Variants in TDRKH observed in about 807,000 individuals in gnomAD.
TDRKH encodes the protein tudor and KH domain containing, also known as tudor and KH domain-containing protein.
A neutral mutation model predicts 61.3 loss-of-function variants in TDRKH; 28 were observed. The observed-to-expected ratio is 0.46, with a 90% CI of 0.34 to 0.63. The LOEUF (loss-of-function observed/expected upper bound fraction) is 0.63. Among genes scored for constraint, TDRKH ranks in the 20% least tolerant of loss-of-function variants. The pLI is 0.01. For synonymous variants in TDRKH, 219 were observed against 244.4 expected (o/e 0.90, Z 0.97); for missense variants, 540 against 683.4 (o/e 0.79, Z 2.34).
At position 151,780,033 on chromosome 1, in the gene TDRKH, T is replaced by C. The variant is rs754174297; in HGVS notation, c.339A>G (p.Ala113=). The C allele has an allele frequency of 1.2e-6, 2 of 1,614,270 alleles. No homozygotes were observed. Among genetic ancestry groups the C allele is most frequent in the Non-Finnish European group, 1.7e-6 (2 of 1,180,042 alleles). ...GFPVQVCKAK[A]AIHQILTENT... ...TCTCTGTCAGGATCTGATGGATTGC[T>C]GCTTTGGCCTTGCACACCTGAACAG... Residue 113 remains alanine (A), a synonymous_variant, in exon 4 of 13, where the codon GCA becomes GCG. Transcript: ENST00000368824.
chr1:151,776,179 G>C lies in TDRKH; in HGVS notation c.1134C>G (p.Thr378=), dbSNP rs1649154090. ...GSWYRARVLG[T]LENGNLDLYF... is the part of the protein sequence containing the mutation. The stretch of plus-strand genomic sequence containing the variant: ...AGAGGTCCAAGTTCCCATTCTCCAA[G>C]GTGCCGAGGACCCGGGCTCGATACC... The change falls in exon 8 of 13, where the codon ACC becomes ACG. Residue 378 remains threonine (T), a synonymous_variant. Transcript: ENST00000368824. 3 of 1,614,008 alleles carry C rather than the reference G, an allele frequency of 1.9e-6. No individual in the cohort carries two copies. The South Asian group carries it at 3.3e-5, about 18-fold the overall frequency.
chr1:151,768,106 C>T (rs1167835538), downstream of TDRKH: 1 of 1,613,868 alleles, frequency 6.2e-7, no homozygotes, highest in African/African-American at 1.3e-5. Flanking sequence ...CCACCAGGAC[C>T]CAGTACAGTT....
chr1:151,790,518 A>C (rs1345990986), upstream of TDRKH: 1 of 152,398 alleles, frequency 6.6e-6, no homozygotes, highest in East Asian at 1.9e-4. Flanking sequence ...GCGGCGCTTC[A>C]GCCGCCACTT....
chr1:151,785,756 T>C (rs2101620376), intron 1 of TDRKH, among the ~76,000 whole-genome samples: 1 of 152,338 alleles, frequency 6.6e-6, no homozygotes, highest in African/African-American at 2.4e-5. Flanking sequence ...TAACAGCACC[T>C]GTATTTTTAT....
At chr1:151,770,245 CG>C, downstream of TDRKH, 2 of 1,613,472 alleles carry the variant, frequency 1.2e-6, no homozygotes, top group South Asian at 1.1e-5. Context: ...CCAGAATGAT[CG>C]GAACGACAGA....
chr1:151,770,442 C>CT, downstream of TDRKH: 1 of 791,334 alleles, frequency 1.3e-6, no homozygotes. Flanking sequence ...CAACTGGACT[C>CT]TGAGGAAGCC....
chr1:151,779,849 C>T, intron 4 of TDRKH, 102 bp downstream of exon 4: 1 of 1,257,860 alleles, frequency 8.0e-7, no homozygotes, highest in Non-Finnish European at 1.1e-6. Context: ...TTTCCCCTCA[C>T]ATGGTGAAGG....
intron 6 of TDRKH, among the ~76,000 whole-genome samples, chr1:151,777,880 A>G (rs937007776): frequency 4.0e-5 from 6 of 151,866 alleles, no homozygotes; most frequent in African/African-American, 7.3e-5. Context: ...CCATGCCCTA[A>G]GCCAGTATTT....
downstream of TDRKH, chr1:151,771,357 G>T: frequency 1.4e-6 from 2 of 1,475,992 alleles, no homozygotes; most frequent in Non-Finnish European, 1.8e-6. Flanking sequence ...TCTTGGGGGG[G>T]TGGGTAATAG....
At chr1:151,771,322 G>A, downstream of TDRKH, 2 of 1,534,596 alleles carry the variant, frequency 1.3e-6, no homozygotes, top group Non-Finnish European at 1.7e-6. Flanking sequence ...ATAAAGGGTA[G>A]TGCAATCATC....
In TDRKH at chr1:151,788,478, TG is replaced by T. The variant is rs750184351; in HGVS notation, c.-28+1901del. On this transcript the variant is annotated intron_variant, in intron 1 of 12. Transcript: ENST00000368824. ...TCTAGCCCTGTGAACAAGAATAAAC[TG>T]GATCTGTATTTTCATGCTGTCTGCT... Among the ~76,000 whole-genome samples, 136 of 152,296 alleles carry T rather than the reference TG, an allele frequency of 8.9e-4. 2 individuals carry two copies. In the East Asian group the frequency reaches 0.015, roughly 17 times the overall value.
At chr1:151,783,363 A>G (rs1650019553) in intron 1 of TDRKH, among the ~76,000 whole-genome samples, 1 of 152,256 alleles carries the variant, frequency 6.6e-6, no homozygotes, top group Admixed American at 6.5e-5. Context: ...TAAATTATTT[A>G]AAATTACTTA....
At position 151,780,121 on chromosome 1, in the gene TDRKH, G is replaced by A; in HGVS notation, c.251C>T (p.Ala84Val). Residue 84 changes from alanine (A) to valine (V), a missense_variant, in exon 4 of 13, where the codon GCT (alanine) becomes GTT (valine). Physicochemically the swap from Ala to Val is moderately conservative, Grantham distance 64. Transcript: ENST00000368824. ...NIKQLRKQTG[A>V]RIDVDTEDVG... ...ATCCTCTGTGTCCACATCAATCCGA[G>A]CACCTGTCTGTTTCCGCAGCTGCAA... 6.2e-7 allele frequency: 1 copy of A among 1,611,774 alleles called. No individual in the cohort carries two copies. The highest frequency in any genetic ancestry group is 8.5e-7 in the Non-Finnish European group (1 of 1,178,080).
intron 4 of TDRKH, 65 bp downstream of exon 4, chr1:151,779,886 A>G (rs1649583500): frequency 3.3e-6 from 5 of 1,494,864 alleles, no homozygotes; most frequent in Non-Finnish European, 4.5e-6. Flanking sequence ...AAACCCTGGG[A>G]AGGTGTGAAA....
At chr1:151,781,667 G>C in intron 2 of TDRKH, 80 bp from the exon 3 acceptor site, 6 of 1,282,220 alleles carry the variant, frequency 4.7e-6, no homozygotes, top group Non-Finnish European at 5.5e-6. Context: ...CCAGAATCTG[G>C]CTGTCAAAGA....
At chr1:151,784,498 C>T (rs1334377009) in intron 1 of TDRKH, among the ~76,000 whole-genome samples, 1 of 152,176 alleles carries the variant, frequency 6.6e-6, no homozygotes, top group East Asian at 1.9e-4. Context: ...ATCCAAAGAT[C>T]GATTCTCAGT....
chr1:151,768,379 G>C, downstream of TDRKH: 1 of 1,233,178 alleles, frequency 8.1e-7, no homozygotes, highest in East Asian at 2.6e-5. Flanking sequence ...AGCTGAGCCA[G>C]GATCTGGGGT....
In TDRKH at chr1:151,776,427, A is replaced by G. The variant is rs767337764; in HGVS notation, c.1044+12T>C. 2 of 1,613,992 alleles carry G rather than the reference A, an allele frequency of 1.2e-6. No homozygotes were observed. Among genetic ancestry groups the G allele is most frequent in the Non-Finnish European group, 1.7e-6 (2 of 1,179,854 alleles). The stretch of plus-strand genomic sequence containing the variant: ...TTCATTAAACCCCAGCCCTGTCCCT[A>G]TGGCAACTCACCACACTATTCTCAT... On this transcript the variant is annotated intron_variant, in intron 7 of 12. Coordinates refer to ENST00000368824, the MANE Select transcript of TDRKH (RefSeq NM_001083965.2).
chr1:151,784,704 C>G (rs1201774563), intron 1 of TDRKH, among the ~76,000 whole-genome samples: 1 of 152,070 alleles, frequency 6.6e-6, no homozygotes, highest in African/African-American at 2.4e-5. Flanking sequence ...GTCCTTCGCC[C>G]TCTTCTCTGT....
Sources: allele counts gnomAD v4.1 joint callset (sites outside exome capture counted in the v4.1 genomes callset), GRCh38; gene constraint gnomAD v4.1.1; transcripts MANE v1.5; gene names NCBI Gene and HGNC (gene_info 2026-07-23, HGNC 2026-07-21).